The following MYLK variants were observed in gnomAD, a reference collection of about 807,000 sequenced individuals.
MYLK encodes the protein myosin light chain kinase, smooth muscle.
Under a neutral mutation model 203.4 loss-of-function variants are expected in MYLK, and 106 were observed. The observed-to-expected ratio is 0.52, with a 90% CI of 0.45 to 0.61. MYLK has a LOEUF of 0.61. MYLK is among the 20% of genes least tolerant of loss of function. MYLK has a pLI of 0.00. For synonymous variants in MYLK, 867 were observed against 959.5 expected (o/e 0.90, Z 1.78); for missense variants, 2,072 against 2,442.3 (o/e 0.85, Z 3.20).
rs1216837997 is a variant in MYLK at position 123,737,444 on chromosome 3, C to G, written c.688G>C (p.Val230Leu). The G allele has an allele frequency of 1.2e-6, 2 of 1,614,100 alleles. No homozygotes were observed. The highest frequency in any genetic ancestry group is 1.7e-6 in the Non-Finnish European group (2 of 1,180,056). The change falls in exon 8 of 34, where the codon GTG becomes CTG. Residue 230 changes from valine to leucine, a missense_variant. This residue lies in a region of MYLK where 683 missense variants were observed against 643.8 expected (regional missense o/e 1.06). Coordinates refer to ENST00000360304, the MANE Select transcript of MYLK (RefSeq NM_053025.4). ...CCGTTCACCACCAGGCACGTGTACA[C>G]TCCCACGTCATCTTGGTTGACTCCA... Reference protein sequence around the residue: ...IHGVNQDDVGVYTCLVVNGSG... With the variant: ...IHGVNQDDVGLYTCLVVNGSG...
At chr3:123,861,010 G>A (rs2031846797) in intron 2 of MYLK, among the ~76,000 whole-genome samples, 1 of 151,988 alleles carries the variant, frequency 6.6e-6, no homozygotes, top group Non-Finnish European at 1.5e-5. Flanking sequence ...GGCGCCTGTG[G>A]TCTCAGCTAC....
chr3:123,811,776 C>T (rs1382353946), intron 3 of MYLK, among the ~76,000 whole-genome samples: 1 of 152,138 alleles, frequency 6.6e-6, no homozygotes, highest in African/African-American at 2.4e-5. Context: ...TTCTTTCAAG[C>T]AATTTAGGTA....
At chr3:123,746,047 G>A (rs370658145) in intron 5 of MYLK, among the ~76,000 whole-genome samples, 2 of 151,910 alleles carry the variant, frequency 1.3e-5, no homozygotes, top group African/African-American at 2.4e-5. Context: ...TAGTAGAGAC[G>A]GGTTTCACCA....
chr3:123,712,449 A>ACGTC (rs1204266291), intron 13 of MYLK, among the ~76,000 whole-genome samples: 3 of 152,172 alleles, frequency 2.0e-5, no homozygotes, highest in African/African-American at 7.2e-5. Context: ...TGCTACGGGA[A>ACGTC]CGTCACCAAC....
chr3:123,753,879 AAG>A (rs1040087855), intron 4 of MYLK, among the ~76,000 whole-genome samples: 1 of 152,214 alleles, frequency 6.6e-6, no homozygotes, highest in African/African-American at 2.4e-5. Context: ...ACTTCAAGGA[AAG>A]AGAGAATGGA....
intron 2 of MYLK, among the ~76,000 whole-genome samples, chr3:123,875,665 T>C (rs1314106228): frequency 6.6e-6 from 1 of 152,194 alleles, no homozygotes; most frequent in Non-Finnish European, 1.5e-5. Flanking sequence ...ATATCTACTT[T>C]TTTACATGAG....
intron 10 of MYLK, among the ~76,000 whole-genome samples, chr3:123,733,310 A>G (rs1186872769): frequency 1.3e-5 from 2 of 152,168 alleles, no homozygotes; most frequent in Admixed American, 6.5e-5. Context: ...GAGGATGAAT[A>G]CAGCGTGATG....
At chr3:123,714,305 T>G (rs2061819547) in intron 13 of MYLK, among the ~76,000 whole-genome samples, 1 of 152,182 alleles carries the variant, frequency 6.6e-6, no homozygotes, top group South Asian at 2.1e-4. Flanking sequence ...TTCCCTTGAC[T>G]GTCCTGGGAG....
chr3:123,719,762 G>C (rs901729189), intron 13 of MYLK, among the ~76,000 whole-genome samples: 10 of 152,180 alleles, frequency 6.6e-5, no homozygotes, highest in Non-Finnish European at 1.0e-4. Flanking sequence ...GCTGGACCTG[G>C]ACAGCTAAGG....
At position 123,733,700 on chromosome 3, in the gene MYLK, C is replaced by G; in HGVS notation, c.1296G>C (p.Lys432Asn). ...ACCTCTACTCACCTTCACATCTGAA[C>G]TTGACAGTTTGATTTTCCTTGACCT... ...SQEVKENQTV[K>N]FRCEVSGIPK... is the part of the protein sequence containing the mutation. Residue 432 changes from lysine to asparagine, a missense_variant, in exon 10 of 34, where the codon AAG becomes AAC. Physicochemically the swap from Lys to Asn is moderately conservative, Grantham distance 94. This residue lies in a region of MYLK where 683 missense variants were observed against 643.8 expected (regional missense o/e 1.06). Transcript: ENST00000360304. 1 of 1,614,156 alleles carries G rather than the reference C, an allele frequency of 6.2e-7. No homozygotes were observed. Among genetic ancestry groups the G allele is most frequent in the Non-Finnish European group, 8.5e-7 (1 of 1,180,030 alleles).
intron 3 of MYLK, among the ~76,000 whole-genome samples, chr3:123,795,751 C>T (rs761022198): frequency 1.3e-5 from 2 of 152,196 alleles, no homozygotes; most frequent in Admixed American, 6.5e-5. Context: ...CTGGCCCAGA[C>T]GTGGGGCACA....
At chr3:123,720,330 G>T (rs1220803457) in intron 13 of MYLK, among the ~76,000 whole-genome samples, 1 of 152,198 alleles carries the variant, frequency 6.6e-6, no homozygotes, top group African/African-American at 2.4e-5. Flanking sequence ...TCTTAGCTCA[G>T]CTGGGTCACT....
chr3:123,657,071 C>T, intron 24 of MYLK, 55 bp downstream of exon 24: 2 of 1,591,766 alleles, frequency 1.3e-6, no homozygotes, highest in Non-Finnish European at 1.7e-6. Context: ...TTTACATACA[C>T]AAGGTCAGTC....
intron 20 of MYLK, 106 bp downstream of exon 20, chr3:123,682,118 G>A (rs1205039012): frequency 1.2e-6 from 1 of 859,064 alleles, no homozygotes; most frequent in East Asian, 2.6e-5. Flanking sequence ...CAGGGATTCA[G>A]GCAAGAGTGA....
At chr3:123,760,265 G>A (rs902068912) in intron 4 of MYLK, among the ~76,000 whole-genome samples, 1 of 152,124 alleles carries the variant, frequency 6.6e-6, no homozygotes, top group Non-Finnish European at 1.5e-5. Flanking sequence ...CGCAACCTCC[G>A]CCTCCCGGGT....
intron 4 of MYLK, among the ~76,000 whole-genome samples, chr3:123,764,219 T>A (rs1443088440): frequency 6.6e-6 from 1 of 152,204 alleles, no homozygotes; most frequent in African/African-American, 2.4e-5. Context: ...GGTTCCTTGT[T>A]CGGTTCTTTA....
chr3:123,653,984 T>TGGG (rs1191970021), intron 24 of MYLK, among the ~76,000 whole-genome samples: 1 of 95,128 alleles, frequency 1.1e-5, no homozygotes, highest in Non-Finnish European at 2.6e-5. Flanking sequence ...TTCAGAGGGA[T>TGGG]GTTGTGTGTG....
At position 123,629,730 on chromosome 3, in the gene MYLK, CCCA is replaced by C; in HGVS notation, c.4962-107_4962-105del. ...GCGAGGGTCGGCCAGCCTCCCCACC[CCCA>C]AACTCATGCTCTGTGGGCCTTGCAC... is the stretch of plus-strand genomic sequence containing the variant. On this transcript the variant is annotated intron_variant, in intron 29 of 33. Coordinates refer to ENST00000360304, the MANE Select transcript of MYLK (RefSeq NM_053025.4). This position sits in a 1 kb window ranked among gnomAD's most constrained non-coding sequence, Gnocchi z 4.4. 1 of 1,237,742 alleles carries C rather than the reference CCCA, an allele frequency of 8.1e-7. No homozygotes were observed. The highest frequency in any genetic ancestry group is 1.5e-5 in the African/African-American group (1 of 67,492). 76.7% of individuals were successfully genotyped at this position (1,237,742 alleles called of 1,614,324 possible).
chr3:123,858,977 T>C (rs115654794), intron 2 of MYLK, among the ~76,000 whole-genome samples: 148 of 152,326 alleles, frequency 9.7e-4, no homozygotes, highest in African/African-American at 3.4e-3. Flanking sequence ...ATTATTGAAA[T>C]TGAAACACTA....
Sources: allele counts gnomAD v4.1 joint callset (sites outside exome capture counted in the v4.1 genomes callset), GRCh38; gene constraint gnomAD v4.1.1; regional missense constraint gnomAD v4.1.1; non-coding constraint Gnocchi (gnomAD v3.1); transcripts MANE v1.5; gene names NCBI Gene and HGNC (gene_info 2026-07-23, HGNC 2026-07-21).